The following IL4I1 variants were observed in gnomAD, a reference collection of about 807,000 sequenced individuals.
IL4I1 encodes interleukin 4 induced 1.
Under a neutral mutation model 29.7 loss-of-function variants are expected in IL4I1, and 24 were observed. That is an observed-to-expected ratio of 0.81 (90% CI 0.59 to 1.14). The LOEUF (loss-of-function observed/expected upper bound fraction) is 1.14. IL4I1 is among the 50% of genes most tolerant of loss of function. IL4I1 has a pLI of 0.00. For missense variants in IL4I1, 686 were observed against 785.6 expected, an observed-to-expected ratio of 0.87 and a Z score of 1.52; for synonymous variants, 371 against 352.5, an observed-to-expected ratio of 1.05 and a Z score of -0.59.
rs922134434 is a variant in IL4I1 at position 49,890,362 on chromosome 19, G to C, written c.1012C>G (p.Arg338Gly). ...CTCCGCAGCGCCTCCTGCATGTGGC[G>C]GGGCAGCGGCGGCGAGAAGGTGATG... ...KRITFSPPLP[R>G]HMQEALRRLH... Residue 338 changes from arginine (R) to glycine (G), a missense_variant, in exon 8 of 8, where the codon CGC becomes GGC. By Grantham distance (125) the Arg-to-Gly change is moderately radical. Coordinates refer to ENST00000391826, the MANE Select transcript of IL4I1 (RefSeq NM_152899.2). 1 of 1,601,048 alleles carries C rather than the reference G, an allele frequency of 6.2e-7. No homozygotes were observed. The highest frequency in any genetic ancestry group is 1.7e-5 in the Admixed American group (1 of 59,614).
intron 2 of IL4I1, chr19:49,927,688 G>A (rs1600574673): frequency 6.6e-6 from 1 of 152,262 alleles, no homozygotes; most frequent in African/African-American, 2.4e-5. Flanking sequence ...AGAAGCTTGT[G>A]TGTACCGCTC....
upstream of IL4I1, among the ~76,000 whole-genome samples, chr19:49,900,568 G>A (rs1426061588): frequency 6.6e-6 from 1 of 152,180 alleles, no homozygotes; most frequent in Admixed American, 6.5e-5. Flanking sequence ...GATTACAAGT[G>A]TGAGCCACCA....
chr19:49,895,704 C>CCCCA, intron 3 of IL4I1, 111 bp downstream of exon 3: 2 of 761,438 alleles, frequency 2.6e-6, no homozygotes, highest in Non-Finnish European at 4.3e-6. Flanking sequence ...CCTCTCCCCC[C>CCCCA]ACATCCCCAC....
At position 49,889,678 on chromosome 19, in the gene IL4I1, AG is replaced by A. The variant is rs1568681382; in HGVS notation, c.1695del (p.Ser566ArgfsTer?). The A allele has an allele frequency of 6.1e-6, 9 of 1,482,162 alleles. No individual in the cohort carries two copies. Among genetic ancestry groups the A allele is most frequent in the African/African-American group, 1.4e-5 (1 of 70,588 alleles). The allele number at this position is 1,482,162 out of a possible 1,614,324, so 91.8% of individuals were successfully genotyped here. ...LSLQNTTHTR[T>X]SH ...CTTTTTCCGAAAATACTTTAATGCG[AG>A]GTCCTCGTGTGGGTCGTGTTTTGGA... On this transcript the variant is annotated frameshift_variant, in exon 8 of 8. Coordinates refer to ENST00000391826, the MANE Select transcript of IL4I1 (RefSeq NM_152899.2). LOFTEE classifies it high-confidence loss of function.
chr19:49,894,876 C>G (rs571763397), intron 4 of IL4I1, among the ~76,000 whole-genome samples, 192 bp downstream of exon 4: 1 of 152,098 alleles, frequency 6.6e-6, no homozygotes, highest in East Asian at 1.9e-4. Context: ...TCTGGTTGGA[C>G]CAGGTGGCCC....
At chr19:49,895,656 G>C (rs149682768) in intron 3 of IL4I1, among the ~76,000 whole-genome samples, 159 bp downstream of exon 3, 1 of 152,132 alleles carries the variant, frequency 6.6e-6, no homozygotes, top group African/African-American at 2.4e-5. Flanking sequence ...TGACAGCAGG[G>C]GGCTTGGGCC....
chr19:49,918,407 C>T (rs1408453204), intron 2 of IL4I1: 2 of 152,070 alleles, frequency 1.3e-5, no homozygotes, highest in Non-Finnish European at 2.9e-5. Flanking sequence ...GGAAGAGCTC[C>T]CCTCTCCCAC....
At chr19:49,919,147 C>A (rs566817096) in intron 2 of IL4I1, among the ~76,000 whole-genome samples, 30 of 152,078 alleles carry the variant, frequency 2.0e-4, no homozygotes, top group Non-Finnish European at 4.4e-5. Context: ...GAGTGAAACT[C>A]GGTCTCAAAA....
At chr19:49,899,031 A>G (rs1432135344), upstream of IL4I1, among the ~76,000 whole-genome samples, 1 of 152,242 alleles carries the variant, frequency 6.6e-6, no homozygotes, top group Non-Finnish European at 1.5e-5. Flanking sequence ...TCACAGCGAC[A>G]TGTCAAGTAT....
intron 2 of IL4I1, chr19:49,908,589 G>C: frequency 6.2e-7 from 1 of 1,614,108 alleles, no homozygotes; most frequent in Non-Finnish European, 8.5e-7. Context: ...AGTGGGCTCA[G>C]CAGGTCTTCC....
intron 2 of IL4I1, among the ~76,000 whole-genome samples, chr19:49,925,327 C>T (rs1411252475): frequency 1.3e-5 from 2 of 151,730 alleles, no homozygotes; most frequent in Non-Finnish European, 2.9e-5. Context: ...GTGGCTCAGG[C>T]TTGTAATCCT....
rs560839227 is a variant in IL4I1 at position 49,908,037 on chromosome 19, T to C, written c.-227-3716A>G. On this transcript the variant is annotated intron_variant, in intron 2 of 9. Transcript: ENST00000341114. ...ATGAAAGCCACAGAAGCCACACCCATGAGGCTGCTGCCTGGGCAGAAGGCC... is the reference window on the plus strand; with the variant it reads ...ATGAAAGCCACAGAAGCCACACCCACGAGGCTGCTGCCTGGGCAGAAGGCC... The C allele has an allele frequency of 6.0e-6, 7 of 1,168,790 alleles. No homozygotes were observed. In the South Asian group the frequency reaches 6.5e-5, roughly 11 times the overall value. The allele number at this position is 1,168,790 out of a possible 1,614,324, so 72.4% of individuals were successfully genotyped here. A position where few individuals can be genotyped will look rare whatever the true frequency, so the allele number is the denominator to read the frequency against.
intron 2 of IL4I1, among the ~76,000 whole-genome samples, chr19:49,913,630 G>A (rs1021320413): frequency 4.6e-5 from 7 of 152,344 alleles, no homozygotes; most frequent in East Asian, 1.9e-4. Context: ...CTGGAAGCTC[G>A]TGCCTGGTCT....
chr19:49,899,557 T>TG (rs796845079), upstream of IL4I1, among the ~76,000 whole-genome samples: 4 of 150,726 alleles, frequency 2.7e-5, no homozygotes, highest in African/African-American at 9.8e-5. Flanking sequence ...TTTTTTGTTT[T>TG]TTTTGTTTTT....
At chr19:49,891,132 T>C (rs1452750196) in intron 6 of IL4I1, 25 bp from the exon 7 acceptor site, 1 of 1,606,188 alleles carries the variant, frequency 6.2e-7, no homozygotes, top group East Asian at 2.2e-5. Flanking sequence ...CAGGCCGAGG[T>C]TAGGGCCCAG....
chr19:49,891,239 A>C, intron 6 of IL4I1, 132 bp from the exon 7 acceptor site: 1 of 1,456,740 alleles, frequency 6.9e-7, no homozygotes. Context: ...TCTCTGACAG[A>C]TGAGGGAAAC....
chr19:49,904,028 AG>A (rs1282409455), intron 3 of IL4I1, among the ~76,000 whole-genome samples: 1 of 151,702 alleles, frequency 6.6e-6, no homozygotes. Context: ...TGTAGAGACG[AG>A]GTTTCGCCAT....
intron 2 of IL4I1, among the ~76,000 whole-genome samples, chr19:49,914,882 G>A (rs2075585142): frequency 6.6e-6 from 1 of 151,812 alleles, no homozygotes; most frequent in East Asian, 1.9e-4. Context: ...TGGGATTACA[G>A]GCGTGCACCA....
chr19:49,920,144 G>A (rs994906610), intron 2 of IL4I1, among the ~76,000 whole-genome samples: 3 of 151,842 alleles, frequency 2.0e-5, no homozygotes, highest in Admixed American at 6.6e-5. Context: ...GTGCAGTGGC[G>A]TGATCTCAGC....
Sources: gnomAD v4.1 joint callset for allele counts (sites outside exome capture counted in the v4.1 genomes callset) on GRCh38, gnomAD v4.1.1 for gene constraint, MANE v1.5 for transcripts, NCBI Gene and HGNC (gene_info 2026-07-23, HGNC 2026-07-21) for gene names.